Variants in PAAF1 observed in about 807,000 individuals in gnomAD.
The protein encoded by PAAF1 is proteasomal ATPase associated factor 1, also known as proteasomal ATPase-associated factor 1.
A neutral mutation model predicts 52.8 loss-of-function variants in PAAF1; 46 were observed. The observed-to-expected ratio is 0.87, with a 90% CI of 0.69 to 1.11. The LOEUF is 1.11. PAAF1 is among the 50% of genes most tolerant of loss of function. The probability of loss-of-function intolerance (pLI) is 0.00; values close to 1 mark genes in which losing one functional copy is unlikely to be tolerated. For missense variants in PAAF1, 424 were observed against 477.4 expected (o/e 0.89, Z 1.04); for synonymous variants, 178 against 172.8 (o/e 1.03, Z -0.24).
At position 73,899,167 on chromosome 11, in the gene PAAF1, A is replaced by G; in HGVS notation, c.304A>G (p.Ser102Gly). The G allele has an allele frequency of 6.2e-7, 1 of 1,614,034 alleles. No homozygotes were observed. Among genetic ancestry groups the G allele is most frequent in the Non-Finnish European group, 8.5e-7 (1 of 1,179,912 alleles). ...TKSITCLDIS[S>G]RGGLGVSSST... ...ACAGATAACATGCCTGGACATTTCC[A>G]GCAGAGGAGGTCTTGGTGTGTCTTC... The change falls in exon 5 of 12, where the codon AGC becomes GGC. Residue 102 changes from serine to glycine, a missense_variant. Ser to Gly is a moderately conservative substitution (Grantham distance 56). Coordinates refer to ENST00000310571, the MANE Select transcript of PAAF1 (RefSeq NM_025155.3).
chr11:73,910,123 G>A (rs896225510), intron 7 of PAAF1, among the ~76,000 whole-genome samples: 4 of 152,152 alleles, frequency 2.6e-5, no homozygotes, highest in African/African-American at 9.7e-5. Context: ...GAGTCCTGCT[G>A]TTTTGCCCAG....
At chr11:73,898,217 G>GGAGGGAGAGGGA (rs751469770) in intron 4 of PAAF1, among the ~76,000 whole-genome samples, 7 of 133,922 alleles carry the variant, frequency 5.2e-5, no homozygotes, top group African/African-American at 8.4e-5. Context: ...AGGGGAAGGG[G>GGAGGGAGAGGGA]GAGGGAGAGG....
Position 73,897,910 on chromosome 11 carries a change from C to T in PAAF1, c.283-1236C>T, listed in dbSNP as rs540103100. ...GGGGCACCATTGAGCACTGAGTGAA[C>T]GAGACTCCGTCTGCAATCCCGGCAC... On this transcript the variant is annotated intron_variant, in intron 4 of 11. Transcript: ENST00000310571. Among the ~76,000 whole-genome samples the T allele has an allele frequency of 1.2e-3, 179 of 152,202 alleles. 2 individuals carry two copies. The East Asian group carries it at 0.023, about 19-fold the overall frequency.
In PAAF1 at chr11:73,887,393, T is replaced by C; in HGVS notation, c.128T>C (p.Ile43Thr). ...SLYGSLTCQG[I>T]GLDGIPEVTA... Reference sequence around the variant, plus strand: ...TATGGCAGCCTGACTTGTCAAGGAATTGGCCTAGATGGCATCCCAGAGGTT... The same window carrying C: ...TATGGCAGCCTGACTTGTCAAGGAACTGGCCTAGATGGCATCCCAGAGGTT... The change falls in exon 3 of 12, where the codon ATT (isoleucine) becomes ACT (threonine). Residue 43 changes from isoleucine to threonine, a missense_variant. Ile to Thr is a moderately conservative substitution (Grantham distance 89). Coordinates refer to ENST00000310571, the MANE Select transcript of PAAF1 (RefSeq NM_025155.3). The C allele has an allele frequency of 1.2e-6, 2 of 1,613,238 alleles. No homozygotes were observed. The highest frequency in any genetic ancestry group is 1.7e-6 in the Non-Finnish European group (2 of 1,179,714).
chr11:73,900,656 T>G (rs979826378), intron 6 of PAAF1, among the ~76,000 whole-genome samples: 8 of 152,168 alleles, frequency 5.3e-5, no homozygotes, highest in African/African-American at 1.9e-4. Context: ...TCCAGCTGGG[T>G]GCAGTGGTGC....
Position 73,899,151 on chromosome 11 carries a change from A to G in PAAF1, c.288A>G (p.Thr96=). 2.5e-6 allele frequency: 4 copies of G among 1,613,072 alleles called. No individual in the cohort carries two copies. Among genetic ancestry groups the G allele is most frequent in the South Asian group, 1.1e-5 (1 of 91,066 alleles). ...TFSRIHTKSI[T]CLDISSRGGL... is the part of the protein sequence containing the mutation. ...TTTGTTTTCTCTTTGAACAGATAAC[A>G]TGCCTGGACATTTCCAGCAGAGGAG... Residue 96 remains threonine (T), a synonymous_variant, in exon 5 of 12, where the codon ACA becomes ACG. Transcript: ENST00000310571.
chr11:73,876,964 T>C, upstream of PAAF1: 1 of 1,479,886 alleles, frequency 6.8e-7, no homozygotes. Flanking sequence ...CGCACGCTTC[T>C]CGGGGACTCA....
At chr11:73,909,332 C>A in intron 6 of PAAF1, 67 bp from the exon 7 acceptor site, 1 of 1,443,154 alleles carries the variant, frequency 6.9e-7, no homozygotes, top group Non-Finnish European at 9.6e-7. Context: ...TATGCAGCTC[C>A]ATCTTCTCTG....
intron 2 of PAAF1, chr11:73,879,737 G>A (rs1948840927): frequency 1.3e-5 from 2 of 151,366 alleles, no homozygotes; most frequent in Non-Finnish European, 1.5e-5. Context: ...GTCAGGCATA[G>A]TGGCATGCGC....
At chr11:73,919,086 A>T in intron 10 of PAAF1, 54 bp downstream of exon 10, 2 of 1,496,038 alleles carry the variant, frequency 1.3e-6, no homozygotes, top group East Asian at 4.5e-5. Flanking sequence ...AGTTAATTAA[A>T]CATAGTTTTA....
intron 8 of PAAF1, among the ~76,000 whole-genome samples, chr11:73,915,911 G>A (rs747230387): frequency 2.6e-5 from 4 of 152,004 alleles, no homozygotes; most frequent in African/African-American, 4.8e-5. Context: ...TGCTAATATC[G>A]CCTTTGTACT....
chr11:73,920,048 AG>A (rs1295720963), intron 10 of PAAF1, among the ~76,000 whole-genome samples: 2 of 152,060 alleles, frequency 1.3e-5, no homozygotes, highest in African/African-American at 4.8e-5. Flanking sequence ...AAAAAAAAAA[AG>A]CATGCTGTTT....
intron 6 of PAAF1, 58 bp downstream of exon 6, chr11:73,900,478 GA>G: frequency 6.7e-7 from 1 of 1,501,360 alleles, no homozygotes; most frequent in Admixed American, 2.1e-5. Context: ...ATGAATCACT[GA>G]AAAGGTAGAA....
chr11:73,905,385 G>A (rs911466511), intron 6 of PAAF1, among the ~76,000 whole-genome samples: 4 of 151,922 alleles, frequency 2.6e-5, no homozygotes, highest in Non-Finnish European at 5.9e-5. Context: ...CACCATGCCC[G>A]GCTAATTTTT....
intron 4 of PAAF1, 104 bp from the exon 5 acceptor site, chr11:73,899,042 C>T (rs529630921): frequency 6.0e-6 from 5 of 837,868 alleles, no homozygotes; most frequent in Non-Finnish European, 7.4e-6. Context: ...ACACAGGCTT[C>T]AGGAAGTCTT....
At chr11:73,893,373 TTATA>T (rs747542047) in intron 4 of PAAF1, among the ~76,000 whole-genome samples, 1 of 152,096 alleles carries the variant, frequency 6.6e-6, no homozygotes, top group Non-Finnish European at 1.5e-5. Context: ...ATTTTTGAAA[TTATA>T]TAAATTAATT....
intron 11 of PAAF1, 34 bp from the exon 12 acceptor site, chr11:73,927,251 G>A: frequency 1.3e-6 from 2 of 1,536,544 alleles, no homozygotes; most frequent in Admixed American, 1.7e-5. Flanking sequence ...AAGAATCCCA[G>A]GCTTCCTTTG....
intron 4 of PAAF1, among the ~76,000 whole-genome samples, chr11:73,897,618 A>C (rs1344686743): frequency 6.7e-6 from 1 of 149,346 alleles, no homozygotes; most frequent in African/African-American, 2.5e-5. Context: ...CTCACTTCCT[A>C]GATGGGATGG....
At chr11:73,890,342 A>G (rs368549964) in intron 3 of PAAF1, among the ~76,000 whole-genome samples, 3 of 152,300 alleles carry the variant, frequency 2.0e-5, no homozygotes, top group African/African-American at 7.2e-5. Context: ...GCCCTTAGCA[A>G]GTCATGTCTC....
Sources: gnomAD v4.1 joint callset for allele counts (sites outside exome capture counted in the v4.1 genomes callset) on GRCh38, gnomAD v4.1.1 for gene constraint, MANE v1.5 for transcripts, NCBI Gene and HGNC (gene_info 2026-07-23, HGNC 2026-07-21) for gene names.